Variants in NDUFS1 observed in about 807,000 individuals in gnomAD.
NDUFS1 encodes the protein NADH:ubiquinone oxidoreductase core subunit S1, also known as NADH-ubiquinone oxidoreductase 75 kDa subunit, mitochondrial.
Under a neutral mutation model 84.4 loss-of-function variants are expected in NDUFS1, and 61 were observed. The ratio of observed to expected loss-of-function variants is 0.72; its 90% CI spans 0.59 to 0.89. The LOEUF is 0.89. NDUFS1 is among the 40% of genes least tolerant of loss of function. NDUFS1 has a pLI of 0.00. For missense variants in NDUFS1, 891 were observed against 890.0 expected, an observed-to-expected ratio of 1.00 and a Z score of -0.01; for synonymous variants, 275 against 290.0, an observed-to-expected ratio of 0.95 and a Z score of 0.53.
chr2:206,138,748 T>C, intron 12 of NDUFS1, 134 bp from the exon 13 acceptor site: 1 of 989,826 alleles, frequency 1.0e-6, no homozygotes. Context: ...CAGATATGAT[T>C]TACTACGTAC....
At position 206,149,053 on chromosome 2, in the gene NDUFS1, A is replaced by C. The variant is rs1257440566; in HGVS notation, c.305T>G (p.Ile102Ser). 1 of 1,613,426 alleles carries C rather than the reference A, an allele frequency of 6.2e-7. No homozygotes were observed. The highest frequency in any genetic ancestry group is 1.3e-5 in the African/African-American group (1 of 74,884). ...CAMPVMKGWN[I>S]LTNSEKSKKA... Reference sequence around the variant, plus strand: ...TTTGGATTTTTCTGAGTTTGTTAGGATATTCCAACCCTTCATTACTGGCAT... The same window carrying C: ...TTTGGATTTTTCTGAGTTTGTTAGGCTATTCCAACCCTTCATTACTGGCAT... The change falls in exon 5 of 19, where the codon ATC (isoleucine) becomes AGC (serine). Residue 102 changes from isoleucine to serine, a missense_variant. Transcript: ENST00000233190.
At chr2:206,125,881 C>G (rs1054919638) in intron 18 of NDUFS1, among the ~76,000 whole-genome samples, 1 of 152,056 alleles carries the variant, frequency 6.6e-6, no homozygotes, top group Non-Finnish European at 1.5e-5. Flanking sequence ...CAGATAAATA[C>G]CATAGAAGTG....
At position 206,144,122 on chromosome 2, in the gene NDUFS1, C is replaced by G. The variant is rs1225120190; in HGVS notation, c.883G>C (p.Asp295His). Residue 295 changes from aspartate (D) to histidine (H), a missense_variant, in exon 10 of 19, where the codon GAT becomes CAT. Asp to His is a moderately conservative substitution (Grantham distance 81). Coordinates refer to ENST00000233190, the MANE Select transcript of NDUFS1 (RefSeq NM_005006.7). The stretch of plus-strand genomic sequence containing the variant: ...GTAAGTCTTTGACGTTTTAGCCCAT[C>G]ATAGGCAAATCTAGAAAACAGAAAT... The part of the protein sequence containing the change: ...WISDKTRFAY[D>H]GLKRQRLTEP... 6.2e-7 allele frequency: 1 copy of G among 1,612,798 alleles called. No individual in the cohort carries two copies. Among genetic ancestry groups the G allele is most frequent in the Non-Finnish European group, 8.5e-7 (1 of 1,178,946 alleles).
chr2:206,152,548 C>G (rs1447468895), intron 2 of NDUFS1, 38 bp from the exon 3 acceptor site: 4 of 1,561,232 alleles, frequency 2.6e-6, no homozygotes, highest in Non-Finnish European at 3.5e-6. Context: ...AACAGATTAA[C>G]AGTTTATTAT....
chr2:206,156,613 G>A (rs1029541753), intron 1 of NDUFS1, among the ~76,000 whole-genome samples: 6 of 151,892 alleles, frequency 4.0e-5, no homozygotes, highest in Non-Finnish European at 7.4e-5. Flanking sequence ...TGATTAGAAC[G>A]TATTAAAAAA....
At chr2:206,142,216 A>C (rs1691989903) in intron 11 of NDUFS1, 147 bp from the exon 12 acceptor site, 1 of 743,736 alleles carries the variant, frequency 1.3e-6, no homozygotes, top group Admixed American at 2.4e-5. Flanking sequence ...CATTTCAGAT[A>C]CTTATTTTTT....
chr2:206,125,904 G>A (rs1389629389), intron 18 of NDUFS1, among the ~76,000 whole-genome samples: 8 of 151,970 alleles, frequency 5.3e-5, no homozygotes, highest in Non-Finnish European at 1.0e-4. Context: ...TTTTTGTTGT[G>A]CTTTTGAGCA....
intron 1 of NDUFS1, among the ~76,000 whole-genome samples, chr2:206,155,256 C>A (rs914024861): frequency 1.3e-4 from 19 of 151,808 alleles, no homozygotes; most frequent in Non-Finnish European, 2.4e-4. Context: ...GTAACCGGGA[C>A]AGGTGTGTAC....
At chr2:206,141,015 C>A (rs1039327381) in intron 12 of NDUFS1, among the ~76,000 whole-genome samples, 66 of 150,750 alleles carry the variant, frequency 4.4e-4, no homozygotes, top group African/African-American at 1.4e-3. Flanking sequence ...GAACAATATA[C>A]AAAATGGTAT....
chr2:206,144,205 A>G (rs1423569481), intron 9 of NDUFS1, 73 bp from the exon 10 acceptor site: 2 of 1,148,840 alleles, frequency 1.7e-6, no homozygotes, highest in Admixed American at 3.4e-5. Flanking sequence ...TAAATCAACA[A>G]GAAATGTTAT....
intron 12 of NDUFS1, among the ~76,000 whole-genome samples, chr2:206,139,844 T>C (rs1278403370): frequency 3.9e-5 from 5 of 127,388 alleles, no homozygotes; most frequent in Non-Finnish European, 6.5e-5. Flanking sequence ...ACAGAAAGCA[T>C]GCTAGAAAAT....
At chr2:206,145,605 A>G (rs1692125993) in intron 8 of NDUFS1, among the ~76,000 whole-genome samples, 1 of 152,186 alleles carries the variant, frequency 6.6e-6, no homozygotes, top group African/African-American at 2.4e-5. Context: ...CTGAAAAGCA[A>G]AAGTAAAGCT....
intron 3 of NDUFS1, among the ~76,000 whole-genome samples, chr2:206,151,791 T>C (rs1692379055): frequency 6.6e-6 from 1 of 152,236 alleles, no homozygotes; most frequent in Non-Finnish European, 1.5e-5. Context: ...ATGAAAAGCA[T>C]TAAGCAGGCC....
rs1691576027 is a variant in NDUFS1 at position 206,133,045 on chromosome 2, C to G, written c.1453G>C (p.Asp485His). The change falls in exon 14 of 19, where the codon GAT becomes CAT. Residue 485 changes from aspartate (D) to histidine (H), a missense_variant. Coordinates refer to ENST00000233190, the MANE Select transcript of NDUFS1 (RefSeq NM_005006.7). ...VLGSSALQRN[D>H]GAAILAAVSS... ...ACAGCTGCAAGAATTGCTGCTCCAT[C>G]ATTTCTTTGGAGTGCAGAACTGCCT... 2 of 1,613,502 alleles carry G rather than the reference C, an allele frequency of 1.2e-6. No homozygotes were observed. Among genetic ancestry groups the G allele is most frequent in the Non-Finnish European group, 1.7e-6 (2 of 1,179,746 alleles).
At position 206,114,905 on chromosome 2, in the gene NDUFS1, T is replaced by G. The variant is rs2105931268; in HGVS notation, c.*9280A>C. The G allele has an allele frequency of 6.6e-6, 1 of 152,368 alleles. No homozygotes were observed. The highest frequency in any genetic ancestry group is 1.5e-5 in the Non-Finnish European group (1 of 68,028). 9.4% of individuals were successfully genotyped at this position (152,368 alleles called of 1,614,324 possible). A position where few individuals can be genotyped will look rare whatever the true frequency, so the allele number is the denominator to read the frequency against. ...ATATATACACACACACACATTATTG[T>G]ACACTTAATTTATGTCCTTAATACA... On this transcript the variant is annotated 3_prime_UTR_variant, in exon 19 of 19. Transcript: ENST00000233190.
At chr2:206,147,949 G>A (rs879735701) in intron 5 of NDUFS1, 115 bp from the exon 6 acceptor site, 31 of 921,906 alleles carry the variant, frequency 3.4e-5, no homozygotes, top group African/African-American at 5.0e-5. Flanking sequence ...ATGGTGTCTC[G>A]CTCTGTTGCT....
At chr2:206,143,631 G>A (rs932549933) in intron 10 of NDUFS1, among the ~76,000 whole-genome samples, 46 of 151,896 alleles carry the variant, frequency 3.0e-4, no homozygotes, top group Non-Finnish European at 1.2e-4. Flanking sequence ...ACCCAGACTG[G>A]AGTGCAGTGG....
chr2:206,129,809 C>G (rs1691434716), intron 15 of NDUFS1, among the ~76,000 whole-genome samples: 1 of 152,032 alleles, frequency 6.6e-6, no homozygotes, highest in African/African-American at 2.4e-5. Flanking sequence ...TCAGGCTGGT[C>G]TTGAACTCCT....
chr2:206,148,167 C>T (rs1233616553), intron 5 of NDUFS1, among the ~76,000 whole-genome samples: 1 of 152,096 alleles, frequency 6.6e-6, no homozygotes, highest in East Asian at 1.9e-4. Context: ...TCAAGTGATC[C>T]TCCCGCCCTG....
Sources: gnomAD v4.1 joint callset for allele counts (sites outside exome capture counted in the v4.1 genomes callset) on GRCh38, gnomAD v4.1.1 for gene constraint, MANE v1.5 for transcripts, NCBI Gene and HGNC (gene_info 2026-07-23, HGNC 2026-07-21) for gene names.